ZNF599: variants seen among roughly 807,000 people sequenced by gnomAD.
The protein encoded by ZNF599 is zinc finger protein 599.
ZNF599 carries 10 observed loss-of-function variants against 11.7 expected under a neutral mutation model. The ratio of observed to expected loss-of-function variants is 0.86; its 90% CI spans 0.53 to 1.45. The LOEUF (loss-of-function observed/expected upper bound fraction) is 1.45. Among genes scored for constraint, ZNF599 ranks in the 40% most tolerant of loss-of-function variants. ZNF599 has a pLI of 0.00. For missense variants in ZNF599, 688 were observed against 713.6 expected, an observed-to-expected ratio of 0.96 and a Z score of 0.41; for synonymous variants, 232 against 253.2, an observed-to-expected ratio of 0.92 and a Z score of 0.79.
chr19:34,769,460 C>T lies in ZNF599; in HGVS notation c.114G>A (p.Met38Ile), dbSNP rs780678500. ...LAQRTLYQEV[M>I]LETCRLLVSL... ...AGACCAGGAGCCTGCAGGTCTCCAG[C>T]ATCACCTCCTGGTACAGGGTCCTCT... The change falls in exon 2 of 4, where the codon ATG (methionine) becomes ATA (isoleucine). Residue 38 changes from methionine (M) to isoleucine (I), a missense_variant. By Grantham distance (10) the Met-to-Ile change is conservative. Transcript: ENST00000329285. 5.6e-6 allele frequency: 9 copies of T among 1,614,178 alleles called. No homozygotes were observed. The highest frequency in any genetic ancestry group is 2.2e-5 in the South Asian group (2 of 91,084).
chr19:34,772,612 A>G (rs1204145972), intron 1 of ZNF599: 2 of 1,360,678 alleles, frequency 1.5e-6, no homozygotes, highest in Non-Finnish European at 1.9e-6. Context: ...AGCCAGAGAC[A>G]GGGACCTCTC....
At chr19:34,805,275 G>A in the ZNF599 span, among the ~76,000 whole-genome samples, 1 of 144,602 alleles carries the variant, frequency 6.9e-6, no homozygotes, top group Admixed American at 7.3e-5. Flanking sequence ...TCAGCCTGCT[G>A]CAACCTCTGC....
At chr19:34,788,092 G>C in the ZNF599 span, among the ~76,000 whole-genome samples, 2 of 152,186 alleles carry the variant, frequency 1.3e-5, no homozygotes, top group Non-Finnish European at 2.9e-5. Context: ...GTAATCTAGA[G>C]ATGAGTTAAA....
the ZNF599 span, among the ~76,000 whole-genome samples, chr19:34,787,661 C>T: frequency 3.3e-5 from 5 of 152,180 alleles, no homozygotes; most frequent in African/African-American, 9.7e-5. Context: ...CCTCCAGCCT[C>T]TAGGTGCAAA....
upstream of ZNF599, among the ~76,000 whole-genome samples, chr19:34,773,429 C>G (rs1452009742): frequency 6.6e-6 from 1 of 152,088 alleles, no homozygotes; most frequent in East Asian, 1.9e-4. Context: ...GAGAGGCACA[C>G]AGAGTTCCGT....
chr19:34,777,431 A>G (rs1293844555), upstream of ZNF599, among the ~76,000 whole-genome samples: 1 of 95,424 alleles, frequency 1.0e-5, no homozygotes, highest in South Asian at 2.6e-4. Flanking sequence ...ATTAATATAT[A>G]ATATATGATA....
chr19:34,769,235 G>C (rs541607378), intron 2 of ZNF599, among the ~76,000 whole-genome samples, 194 bp downstream of exon 2: 2 of 152,304 alleles, frequency 1.3e-5, no homozygotes, highest in African/African-American at 4.8e-5. Context: ...GTGTTGAGGA[G>C]GACTGTGTTT....
At chr19:34,770,688 AC>A (rs1428434383) in intron 1 of ZNF599, among the ~76,000 whole-genome samples, 6 of 152,152 alleles carry the variant, frequency 3.9e-5, no homozygotes, top group African/African-American at 1.4e-4. Flanking sequence ...GGCTCTAAGA[AC>A]CTGGCAGCTG....
At chr19:34,763,191 A>T (rs1391207697) in intron 3 of ZNF599, 1 of 152,256 alleles carries the variant, frequency 6.6e-6, no homozygotes, top group Non-Finnish European at 1.5e-5. Flanking sequence ...TACTTGGCGA[A>T]AGGTTTGTAG....
chr19:34,790,231 T>C, the ZNF599 span, among the ~76,000 whole-genome samples: 5 of 152,204 alleles, frequency 3.3e-5, no homozygotes, highest in African/African-American at 7.2e-5. Context: ...CTTTCTGACA[T>C]GCTTTACATT....
Position 34,760,042 on chromosome 19 carries a change from T to C in ZNF599, c.759A>G (p.Lys253=), listed in dbSNP as rs973016907. 9.3e-6 allele frequency: 15 copies of C among 1,613,884 alleles called. No homozygotes were observed. The highest frequency in any genetic ancestry group is 1.3e-5 in the Non-Finnish European group (15 of 1,179,960). ...IRHMRLHTGE[K]PYKCIECGKA... ...TCCCACACTCAATACACTTGTATGGTTTTTCCCCAGTATGAAGCCTCATAT... is the reference window on the plus strand; with the variant it reads ...TCCCACACTCAATACACTTGTATGGCTTTTCCCCAGTATGAAGCCTCATAT... Residue 253 remains lysine, a synonymous_variant, in exon 4 of 4, where the codon AAA becomes AAG. Transcript: ENST00000329285.
intron 3 of ZNF599, chr19:34,765,318 G>A (rs1054399266): frequency 4.1e-6 from 2 of 485,654 alleles, no homozygotes; most frequent in African/African-American, 3.8e-5. Context: ...TAAAATATAT[G>A]TAATTTTATA....
chr19:34,775,621 G>A (rs764548814), upstream of ZNF599, among the ~76,000 whole-genome samples: 3 of 152,178 alleles, frequency 2.0e-5, no homozygotes, highest in Non-Finnish European at 4.4e-5. Context: ...ACTGAATTAT[G>A]TATTTTGAAC....
Position 34,760,375 on chromosome 19 carries a change from G to T in ZNF599, c.426C>A (p.His142Gln). 1 of 1,614,102 alleles carries T rather than the reference G, an allele frequency of 6.2e-7. No homozygotes were observed. Among genetic ancestry groups the T allele is most frequent in the Non-Finnish European group, 8.5e-7 (1 of 1,180,026 alleles). Residue 142 changes from histidine (H) to glutamine (Q), a missense_variant, in exon 4 of 4, where the codon CAC becomes CAA. By Grantham distance (24) the His-to-Gln change is conservative (BLOSUM62 0). Coordinates refer to ENST00000329285, the MANE Select transcript of ZNF599 (RefSeq NM_001007248.3). ...TCAACTTCTCAGGGCATATCTCTTT[G>T]TGGGGGTTTGTTCCTGGCCTCAAGT... ...EGNLRPGTNP[H>Q]KEICPEKLSY...
chr19:34,781,121 A>G, the ZNF599 span, among the ~76,000 whole-genome samples: 5 of 151,916 alleles, frequency 3.3e-5, no homozygotes, highest in African/African-American at 9.7e-5. Flanking sequence ...GCGCCACTGT[A>G]CTCCAGCCTG....
chr19:34,801,218 G>C, the ZNF599 span, among the ~76,000 whole-genome samples: 12 of 152,302 alleles, frequency 7.9e-5, no homozygotes, highest in African/African-American at 2.9e-4. Context: ...CAGTAACAAG[G>C]ATGTGAAGCA....
At chr19:34,795,855 C>T in the ZNF599 span, among the ~76,000 whole-genome samples, 2 of 151,970 alleles carry the variant, frequency 1.3e-5, no homozygotes, top group African/African-American at 4.8e-5. Context: ...GAGCTTTGCT[C>T]TTGTTGCCCA....
chr19:34,787,324 G>C, the ZNF599 span, among the ~76,000 whole-genome samples: 1 of 151,918 alleles, frequency 6.6e-6, no homozygotes, highest in Non-Finnish European at 1.5e-5. Flanking sequence ...CCTTTTGCTG[G>C]GTCATTTGGG....
In ZNF599 at chr19:34,773,051, G is replaced by A. The variant is rs947026766; in HGVS notation, c.-210C>T. 2 of 561,528 alleles carry A rather than the reference G, an allele frequency of 3.6e-6. No homozygotes were observed. The highest frequency in any genetic ancestry group is 7.4e-5 in the Admixed American group (2 of 26,982). 34.8% of individuals were successfully genotyped at this position (561,528 alleles called of 1,614,324 possible). ...CAGGAAGGGTTTTGCAGACGCTTGTGGGGGTGGGATCGCGGCTGACATAAA... is the reference window on the plus strand; with the variant it reads ...CAGGAAGGGTTTTGCAGACGCTTGTAGGGGTGGGATCGCGGCTGACATAAA... On this transcript the variant is annotated 5_prime_UTR_variant, in exon 1 of 4. Coordinates refer to ENST00000329285, the MANE Select transcript of ZNF599 (RefSeq NM_001007248.3).
Sources: allele counts gnomAD v4.1 joint callset (sites outside exome capture counted in the v4.1 genomes callset), GRCh38; gene constraint gnomAD v4.1.1; transcripts MANE v1.5; gene names NCBI Gene and HGNC (gene_info 2026-07-23, HGNC 2026-07-21).